GLIPR1: variants seen among roughly 807,000 people sequenced by gnomAD.
GLIPR1 encodes the protein glioma pathogenesis-related protein 1.
A neutral mutation model predicts 30.3 loss-of-function variants in GLIPR1; 38 were observed. That is an observed-to-expected ratio of 1.26 (90% CI 0.97 to 1.65). The LOEUF (loss-of-function observed/expected upper bound fraction) is 1.65, where lower values mean the gene tolerates loss of function less well. Among genes scored for constraint, GLIPR1 ranks in the 40% most tolerant of loss-of-function variants. GLIPR1 has a pLI of 0.00. For synonymous variants in GLIPR1, 122 were observed against 110.6 expected, an observed-to-expected ratio of 1.10 and a Z score of -0.65; for missense variants, 285 against 326.5, an observed-to-expected ratio of 0.87 and a Z score of 0.98.
At position 75,499,151 on chromosome 12, in the gene GLIPR1, T is replaced by G. The variant is rs2046372547; in HGVS notation, c.*173T>G. The G allele has an allele frequency of 2.2e-6, 1 of 458,586 alleles. No individual in the cohort carries two copies. Among genetic ancestry groups the G allele is most frequent in the Non-Finnish European group, 3.8e-6 (1 of 262,524 alleles). The allele number at this position is 458,586 out of a possible 1,614,324, so 28.4% of individuals were successfully genotyped here. A position where few individuals can be genotyped will look rare whatever the true frequency, so the allele number is the denominator to read the frequency against. On this transcript the variant is annotated 3_prime_UTR_variant, in exon 6 of 6. Coordinates refer to ENST00000266659, the MANE Select transcript of GLIPR1 (RefSeq NM_006851.3). ...TTCCTAACTCTATCAGATAAACTCA[T>G]CTTTAGTATAAATAAGCATTATTTG...
intron 4 of GLIPR1, 137 bp downstream of exon 4, chr12:75,495,799 G>A: frequency 1.8e-6 from 1 of 557,368 alleles, no homozygotes; most frequent in Non-Finnish European, 3.3e-6. Flanking sequence ...TTAAACCAAT[G>A]GCTTACTGTT....
rs2046391839 is a variant in GLIPR1 at position 75,501,276 on chromosome 12, G to C, written c.*2298G>C. ...AATAGCTCCTGAATAAGACCTGTCA[G>C]CATCCTTTAGTCTAAGGTGATGAGA... On this transcript the variant is annotated 3_prime_UTR_variant, in exon 6 of 6. Coordinates refer to ENST00000266659, the MANE Select transcript of GLIPR1 (RefSeq NM_006851.3). 1 of 156,066 alleles carries C rather than the reference G, an allele frequency of 6.4e-6. No individual in the cohort carries two copies. Among genetic ancestry groups the C allele is most frequent in the South Asian group, 1.9e-4 (1 of 5,178 alleles). 9.7% of individuals were successfully genotyped at this position (156,066 alleles called of 1,614,324 possible).
At position 75,495,666 on chromosome 12, in the gene GLIPR1, A is replaced by G; in HGVS notation, c.619+4A>G. 6.5e-7 allele frequency: 1 copy of G among 1,546,508 alleles called. No homozygotes were observed. ...AAGTGTTTGGACAATCTCTGTGGTG[A>G]GTAAAAGGAACAATACACCAATAGA... On this transcript the variant is annotated splice_donor_region_variant and intron_variant, in intron 4 of 5. Coordinates refer to ENST00000266659, the MANE Select transcript of GLIPR1 (RefSeq NM_006851.3).
rs35207358 is a variant in GLIPR1 at position 75,499,698 on chromosome 12, CAAA to C, written c.*731_*733del. On this transcript the variant is annotated 3_prime_UTR_variant, in exon 6 of 6. Coordinates refer to ENST00000266659, the MANE Select transcript of GLIPR1 (RefSeq NM_006851.3). ...CTCTTCTATGAACAACCACCACCAC[CAAA>C]AAAAAAAAAAGCCCTCAGAAAATTT... The C allele has an allele frequency of 5.0e-4, 281 of 562,774 alleles. No homozygotes were observed. The highest frequency in any genetic ancestry group is 9.0e-4 in the South Asian group (28 of 31,068). The allele number at this position is 562,774 out of a possible 1,614,324, so 34.9% of individuals were successfully genotyped here. A position where few individuals can be genotyped will look rare whatever the true frequency, so the allele number is the denominator to read the frequency against.
chr12:75,499,785 T>A lies in GLIPR1; in HGVS notation c.*807T>A. ...AAAATCCTTTACAAAAGGAGATAGT[T>A]CTAGTCAAGGAGTTTTGGGTATGTT... is the stretch of plus-strand genomic sequence containing the variant. On this transcript the variant is annotated 3_prime_UTR_variant, in exon 6 of 6. Coordinates refer to ENST00000266659, the MANE Select transcript of GLIPR1 (RefSeq NM_006851.3). The A allele has an allele frequency of 1.3e-6, 2 of 1,570,608 alleles. No homozygotes were observed. The highest frequency in any genetic ancestry group is 1.7e-6 in the Non-Finnish European group (2 of 1,158,526).
At chr12:75,484,793 A>G in intron 2 of GLIPR1, 1 of 159,038 alleles carries the variant, frequency 6.3e-6, no homozygotes, top group Non-Finnish European at 1.4e-5. Flanking sequence ...GGAACAGGGC[A>G]TTTTCACTTC....
At chr12:75,498,754 A>G (rs2046368484) in intron 5 of GLIPR1, 34 bp downstream of exon 5, 2 of 1,608,826 alleles carry the variant, frequency 1.2e-6, no homozygotes, top group Non-Finnish European at 1.7e-6. Flanking sequence ...TTTCATTAAG[A>G]GCTATGTGAA....
intron 2 of GLIPR1, among the ~76,000 whole-genome samples, chr12:75,488,533 G>C (rs978360032): frequency 6.6e-6 from 1 of 151,846 alleles, no homozygotes; most frequent in Admixed American, 6.6e-5. Context: ...GCAAAACTCC[G>C]TCTCAAAAAC....
At chr12:75,490,191 TATTTCACACA>T (rs2046313184) in intron 2 of GLIPR1, among the ~76,000 whole-genome samples, 13 of 95,556 alleles carry the variant, frequency 1.4e-4, no homozygotes, top group Admixed American at 2.7e-4. Context: ...AAAATTATCT[TATTTCACACA>T]CACACACACA....
chr12:75,498,339 A>G (rs897276343), intron 4 of GLIPR1: 1 of 174,026 alleles, frequency 5.7e-6, no homozygotes, highest in Non-Finnish European at 1.2e-5. Flanking sequence ...CTTCTCAGGA[A>G]GAAACTTATT....
In GLIPR1 at chr12:75,498,925, A is replaced by T; in HGVS notation, c.748A>T (p.Ile250Leu). 6.2e-7 allele frequency: 1 copy of T among 1,608,394 alleles called. No homozygotes were observed. The highest frequency in any genetic ancestry group is 8.5e-7 in the Non-Finnish European group (1 of 1,175,430). The change falls in exon 6 of 6, where the codon ATA becomes TTA. Residue 250 changes from isoleucine (I) to leucine (L), a missense_variant. Ile to Leu is a conservative substitution (Grantham distance 5, BLOSUM62 2). Coordinates refer to ENST00000266659, the MANE Select transcript of GLIPR1 (RefSeq NM_006851.3). ...VNSVILILSV[I>L]ITILVQHKYP... Reference sequence around the variant, plus strand: ...TTCAGTAATTCTAATACTGTCTGTTATAATTACCATTTTGGTACAGCACAA... The same window carrying T: ...TTCAGTAATTCTAATACTGTCTGTTTTAATTACCATTTTGGTACAGCACAA...
chr12:75,487,652 C>G (rs553545432), intron 2 of GLIPR1: 4 of 414,474 alleles, frequency 9.7e-6, no homozygotes, highest in South Asian at 5.1e-5. Flanking sequence ...TAGTCACGTC[C>G]CCACTTCTAC....
intron 2 of GLIPR1, among the ~76,000 whole-genome samples, chr12:75,488,257 G>A (rs1327231911): frequency 6.6e-6 from 1 of 152,200 alleles, no homozygotes; most frequent in African/African-American, 2.4e-5. Context: ...AGTTGTTAGG[G>A]CCGGGCATGG....
intron 3 of GLIPR1, chr12:75,495,376 A>AT (rs2046344095): frequency 6.1e-6 from 3 of 490,320 alleles, no homozygotes; most frequent in Admixed American, 6.7e-5. Flanking sequence ...AAACAGGTGC[A>AT]TAGACACAGG....
At chr12:75,498,185 A>T (rs545650149) in intron 4 of GLIPR1, 2 of 152,342 alleles carry the variant, frequency 1.3e-5, no homozygotes, top group South Asian at 4.1e-4. Flanking sequence ...TGATTGTCAA[A>T]ATTTGAATAA....
At position 75,480,946 on chromosome 12, in the gene GLIPR1, AAATATTTTGCC is replaced by A; in HGVS notation, c.68_78del (p.Asn23ArgfsTer5). 1 of 1,613,784 alleles carries A rather than the reference AAATATTTTGCC, an allele frequency of 6.2e-7. No individual in the cohort carries two copies. ...TTGTCTCCAATTATTCACACACAGC[AAATATTTTGCC>A]AGATATCGAAAATGAAGATTTCATC... On this transcript the variant is annotated frameshift_variant, in exon 1 of 6. Transcript: ENST00000266659. LOFTEE classifies it high-confidence loss of function.
chr12:75,499,943 C>G lies in GLIPR1; in HGVS notation c.*965C>G, dbSNP rs757680953. On this transcript the variant is annotated 3_prime_UTR_variant, in exon 6 of 6. Transcript: ENST00000266659. ...ATGCTGGCCACATCAATTTTAGTTT[C>G]AGTAGAAGCTAGACAAATTAAAAGC... 1.9e-6 allele frequency: 3 copies of G among 1,599,220 alleles called. No homozygotes were observed. The South Asian group carries it at 3.4e-5, about 18-fold the overall frequency.
intron 1 of GLIPR1, chr12:75,481,279 T>A (rs376636657): frequency 7.2e-5 from 27 of 376,300 alleles, no homozygotes; most frequent in African/African-American, 4.4e-4. Context: ...TTTGGACACT[T>A]CCTGTTTTCT....
intron 3 of GLIPR1, chr12:75,492,092 T>TC (rs1459906086): frequency 6.6e-6 from 1 of 150,960 alleles, no homozygotes; most frequent in African/African-American, 2.4e-5. Flanking sequence ...TCATGACTTT[T>TC]TTTTTTTTTT....
Sources: allele counts gnomAD v4.1 joint callset (sites outside exome capture counted in the v4.1 genomes callset), GRCh38; gene constraint gnomAD v4.1.1; transcripts MANE v1.5; gene names NCBI Gene and HGNC (gene_info 2026-07-23, HGNC 2026-07-21).